Variants in SOD2 observed in about 807,000 individuals in gnomAD.
The protein encoded by SOD2 is superoxide dismutase 2.
A neutral mutation model predicts 27.0 loss-of-function variants in SOD2; 11 were observed. The observed-to-expected ratio is 0.41, with a 90% CI of 0.26 to 0.67. The LOEUF (loss-of-function observed/expected upper bound fraction) is 0.67, where lower values mean the gene tolerates loss of function less well. Ranked by LOEUF, SOD2 falls within the 30% of genes least tolerant of loss-of-function variation. SOD2 has a pLI of 0.34. For missense variants in SOD2, 250 were observed against 274.5 expected (o/e 0.91, Z 0.63); for synonymous variants, 105 against 103.0 (o/e 1.02, Z -0.12).
In SOD2 at chr6:159,735,440, G is replaced by A. The variant is rs547117762; in HGVS notation, c.-116+9690C>T. On this transcript the variant is annotated intron_variant, in intron 1 of 3. Transcript: ENST00000537657. ...AGTCGTGAGCCATCACGCCCAACCA[G>A]TGTAACATATATTTTAAAATATGTA... is the stretch of plus-strand genomic sequence containing the variant. 7.0e-4 allele frequency among the ~76,000 whole-genome samples: 107 copies of A among 152,286 alleles called. 1 individual carries two copies. Among genetic ancestry groups the A allele is most frequent in the African/African-American group, 2.6e-3 (107 of 41,562 alleles).
At chr6:159,692,588 G>A (rs767146347) in intron 2 of SOD2, 73 bp downstream of exon 2, 14 of 1,592,860 alleles carry the variant, frequency 8.8e-6, no homozygotes, top group Non-Finnish European at 1.1e-5. Flanking sequence ...GGAGAGGCCC[G>A]TCCGTATGGG....
At chr6:159,748,810 A>G, upstream of SOD2, 1 of 1,232,082 alleles carries the variant, frequency 8.1e-7, no homozygotes, top group Non-Finnish European at 1.0e-6. This position sits in a 1 kb window ranked among gnomAD's most constrained non-coding sequence, Gnocchi z 5.6. Context: ...GTAAAATGTA[A>G]AAACGGAATA....
intron 1 of SOD2, 59 bp from the exon 2 acceptor site, chr6:159,692,922 G>A (rs769898701): frequency 1.8e-4 from 266 of 1,442,418 alleles, no homozygotes; most frequent in Non-Finnish European, 2.2e-4. Context: ...TACGCAGGCT[G>A]GGCTGCCGAG....
intron 1 of SOD2, among the ~76,000 whole-genome samples, chr6:159,738,358 T>A (rs758154057): frequency 3.3e-5 from 5 of 152,244 alleles, no homozygotes; most frequent in Admixed American, 6.5e-5. Flanking sequence ...GACTATTTTT[T>A]TTCCTTCCAC....
Position 159,674,126 on chromosome 6 carries a change from T to C in SOD2, c.*8367A>G, listed in dbSNP as rs1264838847. 1.3e-5 allele frequency: 2 copies of C among 151,990 alleles called. No homozygotes were observed. The highest frequency in any genetic ancestry group is 2.9e-5 in the Non-Finnish European group (2 of 68,002). 9.4% of individuals were successfully genotyped at this position (151,990 alleles called of 1,614,324 possible). On this transcript the variant is annotated 3_prime_UTR_variant, in exon 5 of 5. Coordinates refer to ENST00000538183, the MANE Select transcript of SOD2 (RefSeq NM_000636.4). Reference sequence around the variant, plus strand: ...TTAATAGCCTACCAACCAAAAAAAGTCCAGGACAAGATGGATTCACAGCCG... The same window carrying C: ...TTAATAGCCTACCAACCAAAAAAAGCCCAGGACAAGATGGATTCACAGCCG...
rs1779785645 is a variant in SOD2 at position 159,676,582 on chromosome 6, C to T, written c.*5911G>A. ...TGGACACAGGAAGGGGAACATCACA[C>T]ACCGGGGCCTGTCGAGGGGTGGGGA... On this transcript the variant is annotated 3_prime_UTR_variant, in exon 5 of 5. Coordinates refer to ENST00000538183, the MANE Select transcript of SOD2 (RefSeq NM_000636.4). 1 of 151,994 alleles carries T rather than the reference C, an allele frequency of 6.6e-6. No individual in the cohort carries two copies. Among genetic ancestry groups the T allele is most frequent in the African/African-American group, 2.4e-5 (1 of 41,350 alleles). 9.4% of individuals were successfully genotyped at this position (151,994 alleles called of 1,614,324 possible).
chr6:159,740,095 T>A (rs368693451), intron 1 of SOD2, among the ~76,000 whole-genome samples: 6 of 152,176 alleles, frequency 3.9e-5, no homozygotes, highest in South Asian at 2.1e-4. Context: ...TTCTCTCACC[T>A]TGGCCTCCCA....
exon 1 of SOD2, chr6:159,745,145 A>G (rs1397972557): frequency 2.6e-5 from 4 of 152,210 alleles, no homozygotes; most frequent in Admixed American, 1.3e-4. Context: ...GACTGCTAGC[A>G]CTTGGGAGAT....
upstream of SOD2, chr6:159,749,324 A>C (rs2114949215): frequency 1.0e-6 from 1 of 985,618 alleles, no homozygotes; most frequent in East Asian, 1.1e-4. Flanking sequence ...TGTTTAAAAG[A>C]GCTTTGTCGT....
chr6:159,755,292 G>A, intron 1 of SOD2: 2 of 1,614,208 alleles, frequency 1.2e-6, no homozygotes, highest in East Asian at 4.5e-5. Context: ...TCTGGGTCTG[G>A]ATTTCACAGG....
At chr6:159,700,669 A>T (rs1777508665) in intron 1 of SOD2, among the ~76,000 whole-genome samples, 2 of 151,346 alleles carry the variant, frequency 1.3e-5, no homozygotes, top group South Asian at 4.2e-4. Context: ...AAAAAAAAAA[A>T]ATCAATGCAT....
At chr6:159,692,113 C>T (rs1777228905) in intron 2 of SOD2, 1 of 178,210 alleles carries the variant, frequency 5.6e-6, no homozygotes, top group Non-Finnish European at 1.2e-5. Flanking sequence ...TCCTGTCTCC[C>T]ACCTTCAGTG....
chr6:159,727,555 G>C (rs1562447246), upstream of SOD2: 1 of 989,226 alleles, frequency 1.0e-6, no homozygotes, highest in Non-Finnish European at 1.2e-6. Flanking sequence ...AAAGGGGAGC[G>C]CAGGGGTTGC....
intron 1 of SOD2, among the ~76,000 whole-genome samples, chr6:159,737,136 C>T (rs1282697639): frequency 6.6e-6 from 1 of 152,180 alleles, no homozygotes; most frequent in Non-Finnish European, 1.5e-5. Flanking sequence ...CAGTCTCCGC[C>T]TCCTGGGCTC....
chr6:159,758,619 T>TGG (rs1184027880), intron 1 of SOD2, among the ~76,000 whole-genome samples: 3 of 152,184 alleles, frequency 2.0e-5, no homozygotes, highest in Non-Finnish European at 1.5e-5. Flanking sequence ...AGTGAACACT[T>TGG]TCATAATCCC....
chr6:159,748,313 A>G (rs766574118), upstream of SOD2: 1 of 1,614,094 alleles, frequency 6.2e-7, no homozygotes, highest in Admixed American at 1.7e-5. The surrounding 1 kb of genome is among the most constrained non-coding windows in gnomAD (Gnocchi z 5.6). Context: ...AACAGACTAA[A>G]GACAAACTGG....
At chr6:159,731,949 A>G (rs916224165), upstream of SOD2, among the ~76,000 whole-genome samples, 2 of 151,598 alleles carry the variant, frequency 1.3e-5, no homozygotes, top group Non-Finnish European at 2.9e-5. Flanking sequence ...TTAGTGGAAT[A>G]AGAATATGGA....
intron 1 of SOD2, among the ~76,000 whole-genome samples, chr6:159,737,558 A>G (rs143012505): frequency 6.6e-6 from 1 of 152,134 alleles, no homozygotes; most frequent in East Asian, 1.9e-4. Flanking sequence ...CAGTGGTACA[A>G]TCTTGGCTCA....
chr6:159,732,561 G>C (rs549347438), intron 1 of SOD2, among the ~76,000 whole-genome samples: 64 of 152,326 alleles, frequency 4.2e-4, no homozygotes, highest in African/African-American at 1.5e-3. Flanking sequence ...TTGGCCGGGC[G>C]CAGTAGCTTA....
Sources: gnomAD v4.1 joint callset for allele counts (sites outside exome capture counted in the v4.1 genomes callset) on GRCh38, gnomAD v4.1.1 for gene constraint, Gnocchi (gnomAD v3.1) non-coding constraint, MANE v1.5 for transcripts, NCBI Gene and HGNC (gene_info 2026-07-23, HGNC 2026-07-21) for gene names.